POU6F1: variants seen among roughly 807,000 people sequenced by gnomAD.
POU6F1 encodes the protein POU domain, class 6, transcription factor 1.
POU6F1 carries 9 observed loss-of-function variants against 28.9 expected under a neutral mutation model. The observed-to-expected ratio is 0.31, with a 90% CI of 0.19 to 0.54. The LOEUF (loss-of-function observed/expected upper bound fraction) is 0.54. Ranked by LOEUF, POU6F1 falls within the 20% of genes least tolerant of loss-of-function variation. POU6F1 has a pLI of 0.94. For synonymous variants in POU6F1, 173 were observed against 171.1 expected (o/e 1.01, Z -0.09); for missense variants, 338 against 426.1 (o/e 0.79, Z 1.82).
chr12:51,211,796 C>T (rs1297908226), intron 1 of POU6F1, among the ~76,000 whole-genome samples: 1 of 152,106 alleles, frequency 6.6e-6, no homozygotes, highest in Non-Finnish European at 1.5e-5. Flanking sequence ...ACCCAAGCAG[C>T]CTCAGGGGTA....
rs960278365 is a variant in POU6F1, at chr12:51,186,980, G to C, written c.*3267C>G. ...TTTATTCCACACAACTACATCAAGC[G>C]CTTCTTCCCCATTCTCCTCTCCCCT... On this transcript the variant is annotated 3_prime_UTR_variant, in exon 11 of 11. Transcript: ENST00000333640. 1 of 152,190 alleles carries C rather than the reference G, an allele frequency of 6.6e-6. No homozygotes were observed. The highest frequency in any genetic ancestry group is 1.5e-5 in the Non-Finnish European group (1 of 68,068). The allele number at this position is 152,190 out of a possible 1,614,324, so 9.4% of individuals were successfully genotyped here.
intron 3 of POU6F1, among the ~76,000 whole-genome samples, chr12:51,200,713 A>C (rs1943154980): frequency 6.6e-6 from 1 of 152,046 alleles, no homozygotes; most frequent in Non-Finnish European, 1.5e-5. Flanking sequence ...TTTGAGATGG[A>C]GTCTTGCTCT....
chr12:51,197,813 T>TGGCTTGGCA lies in POU6F1; in HGVS notation c.802_803insTGCCAAGCC (p.Pro267_Gln268insLeuProSer). ...GAAGCCTGCAGGCTGGACGGTGATCTGTGGGGGGGTGTCCACTGGCTTGGG... is the reference window on the plus strand; with the variant it reads ...GAAGCCTGCAGGCTGGACGGTGATCTGGCTTGGCAGTGGGGGGGTGTCCACTGGCTTGGG... On this transcript the variant is annotated inframe_insertion, in exon 6 of 11. Transcript: ENST00000333640. The TGGCTTGGCA allele has an allele frequency of 2.7e-6, 1 of 374,528 alleles. No individual in the cohort carries two copies. The allele number at this position is 374,528 out of a possible 1,614,324, so 23.2% of individuals were successfully genotyped here.
chr12:51,191,733 C>A lies in POU6F1; in HGVS notation c.1353G>T (p.Gly451=). 1 of 1,614,204 alleles carries A rather than the reference C, an allele frequency of 6.2e-7. No individual in the cohort carries two copies. Among genetic ancestry groups the A allele is most frequent in the East Asian group, 2.2e-5 (1 of 44,884 alleles). The change falls in exon 10 of 11, where the codon GGG becomes GGT. Residue 451 remains glycine (G), a synonymous_variant. Coordinates refer to ENST00000333640, the MANE Select transcript of POU6F1 (RefSeq NM_001330422.2). Reference sequence around the variant, plus strand: ...ACTCCCGGATCTCTTCTAAGTTGATCCCATCCTCATCCAGACTTGGAGTAT... The same window carrying A: ...ACTCCCGGATCTCTTCTAAGTTGATACCATCCTCATCCAGACTTGGAGTAT... The part of the protein sequence containing the change: ...KPHTPSLDED[G]INLEEIREFA...
At chr12:51,193,137 C>T (rs2065003261) in intron 8 of POU6F1, among the ~76,000 whole-genome samples, 2 of 152,184 alleles carry the variant, frequency 1.3e-5, no homozygotes, top group South Asian at 4.1e-4. Context: ...AAGCAGCAGC[C>T]TCAACCTGAT....
rs948657809 is a variant in POU6F1 at position 51,199,125 on chromosome 12, A to G, written c.367-350T>C. 2.6e-5 allele frequency among the ~76,000 whole-genome samples: 4 copies of G among 151,902 alleles called. No individual in the cohort carries two copies. The highest frequency in any genetic ancestry group is 9.7e-5 in the African/African-American group (4 of 41,344). On this transcript the variant is annotated intron_variant, in intron 4 of 10. Coordinates refer to ENST00000333640, the MANE Select transcript of POU6F1 (RefSeq NM_001330422.2). This position sits in a 1 kb window ranked among gnomAD's most constrained non-coding sequence, Gnocchi z 4.1. ...GCCCCGTGCTTAGTGGCCAGGGAACAGGGAGCAGAGGCTGATGGAACCAAG... is the reference window on the plus strand; with the variant it reads ...GCCCCGTGCTTAGTGGCCAGGGAACGGGGAGCAGAGGCTGATGGAACCAAG...
chr12:51,197,004 C>T, intron 6 of POU6F1, 77 bp from the exon 7 acceptor site: 1 of 786,898 alleles, frequency 1.3e-6, no homozygotes, highest in South Asian at 1.7e-5. Flanking sequence ...GGACAGAGGG[C>T]ATTGGGGTGG....
chr12:51,206,648 T>C (rs1943644688), intron 2 of POU6F1, 141 bp downstream of exon 2: 1 of 397,244 alleles, frequency 2.5e-6, no homozygotes, highest in African/African-American at 2.1e-5. Flanking sequence ...AAATCCTAAA[T>C]GGCAAGTACC....
intron 7 of POU6F1, 98 bp downstream of exon 7, chr12:51,196,701 G>A: frequency 7.0e-7 from 1 of 1,433,234 alleles, no homozygotes; most frequent in African/African-American, 1.4e-5. Flanking sequence ...CTTGACGTCT[G>A]TTCGAGTTTC....
rs1943046977 is a variant in POU6F1 at position 51,199,196 on chromosome 12, CCG to C, written c.367-423_367-422del. 1.3e-5 allele frequency among the ~76,000 whole-genome samples: 2 copies of C among 149,478 alleles called. No individual in the cohort carries two copies. The highest frequency in any genetic ancestry group is 3.0e-5 in the Non-Finnish European group (2 of 67,404). On this transcript the variant is annotated intron_variant, in intron 4 of 10. Transcript: ENST00000333640. This position sits in a 1 kb window ranked among gnomAD's most constrained non-coding sequence, Gnocchi z 4.1. ...CTAATGGAACCAAGTGGTCAAGGCC[CCG>C]CAGAGGCTAATGGAACCAAGTGGTC...
rs1383887517 is a variant in POU6F1, at chr12:51,217,630, C to T, written c.-48+12G>A. 1 of 152,088 alleles carries T rather than the reference C, an allele frequency of 6.6e-6. No homozygotes were observed. The highest frequency in any genetic ancestry group is 1.5e-5 in the Non-Finnish European group (1 of 68,022). The allele number at this position is 152,088 out of a possible 1,614,324, so 9.4% of individuals were successfully genotyped here. ...GTGCAAACCCCTCCCCGCCCCGGAC[C>T]CCGCTACTTACCGGAGCCCGAGCCC... On this transcript the variant is annotated intron_variant, in intron 1 of 10. Transcript: ENST00000333640. The surrounding 1 kb of genome is among the most constrained non-coding windows in gnomAD (Gnocchi z 5.3).
At chr12:51,214,537 C>A (rs1415065044) in intron 1 of POU6F1, among the ~76,000 whole-genome samples, 1 of 152,154 alleles carries the variant, frequency 6.6e-6, no homozygotes. Flanking sequence ...TGTCCCCACA[C>A]CCTGAACCAT....
intron 2 of POU6F1, among the ~76,000 whole-genome samples, chr12:51,204,576 G>T (rs548206367): frequency 1.3e-5 from 2 of 152,274 alleles, no homozygotes; most frequent in Non-Finnish European, 2.9e-5. Flanking sequence ...AAGAAAGCAG[G>T]CCCTGGTGAC....
intron 1 of POU6F1, among the ~76,000 whole-genome samples, chr12:51,209,906 T>C (rs922806598): frequency 6.6e-6 from 1 of 152,142 alleles, no homozygotes; most frequent in East Asian, 1.9e-4. Flanking sequence ...CTGGTGAGCA[T>C]CTAACTACCT....
intron 1 of POU6F1, among the ~76,000 whole-genome samples, chr12:51,210,610 T>C (rs1031058830): frequency 6.6e-6 from 1 of 152,166 alleles, no homozygotes; most frequent in Non-Finnish European, 1.5e-5. Flanking sequence ...AGGATTCAGG[T>C]AGTGATAAGG....
rs1186373359 is a variant in POU6F1 at position 51,210,614 on chromosome 12, G to C, written c.-47-3731C>G. The stretch of plus-strand genomic sequence containing the variant: ...GTGTTATTAGGAGGATTCAGGTAGT[G>C]ATAAGGCTTGGGTGATTCTGATATC... On this transcript the variant is annotated intron_variant, in intron 1 of 10. Transcript: ENST00000333640. Among the ~76,000 whole-genome samples the C allele has an allele frequency of 2.6e-5, 4 of 152,192 alleles. No homozygotes were observed. The East Asian group carries it at 7.7e-4, about 29-fold the overall frequency.
chr12:51,204,731 C>T (rs1444400429), intron 2 of POU6F1, among the ~76,000 whole-genome samples: 2 of 152,174 alleles, frequency 1.3e-5, no homozygotes, highest in Non-Finnish European at 2.9e-5. Context: ...GTCCTCTTGG[C>T]AGCTAGGATC....
chr12:51,213,827 C>T lies in POU6F1; in HGVS notation c.-48+3815G>A, dbSNP rs548165837. On this transcript the variant is annotated intron_variant, in intron 1 of 10. Coordinates refer to ENST00000333640, the MANE Select transcript of POU6F1 (RefSeq NM_001330422.2). Reference sequence around the variant, plus strand: ...GATTACAGGCGTGAGCCACCACATCCGGCCTAATTTCGTTATCTTTAAAAT... The same window carrying T: ...GATTACAGGCGTGAGCCACCACATCTGGCCTAATTTCGTTATCTTTAAAAT... Among the ~76,000 whole-genome samples the T allele has an allele frequency of 1.5e-3, 223 of 152,006 alleles. 1 individual carries two copies. The highest frequency in any genetic ancestry group is 4.9e-3 in the African/African-American group (203 of 41,496).
Position 51,206,468 on chromosome 12 carries a change from T to C in POU6F1, c.48+321A>G, listed in dbSNP as rs1333763959. Among the ~76,000 whole-genome samples the C allele has an allele frequency of 3.0e-5, 4 of 131,484 alleles. No individual in the cohort carries two copies. The South Asian group carries it at 9.3e-4, about 31-fold the overall frequency. 86.3% of individuals were successfully genotyped at this position (131,484 alleles called of 152,430 possible). ...CAAACAAAAAAGATATAAGTAATAG[T>C]AATTTGCAAAAAAAAAAAAAAATTA... On this transcript the variant is annotated intron_variant, in intron 2 of 10. Coordinates refer to ENST00000333640, the MANE Select transcript of POU6F1 (RefSeq NM_001330422.2).
Sources: allele counts gnomAD v4.1 joint callset (sites outside exome capture counted in the v4.1 genomes callset), GRCh38; gene constraint gnomAD v4.1.1; non-coding constraint Gnocchi (gnomAD v3.1); transcripts MANE v1.5; gene names NCBI Gene and HGNC (gene_info 2026-07-23, HGNC 2026-07-21).